BRD4: variants seen among roughly 807,000 people sequenced by gnomAD.
The protein encoded by BRD4 is bromodomain-containing protein 4.
In BRD4, 16 loss-of-function variants were observed where a neutral mutation model predicts 142.1. The observed-to-expected ratio is 0.11, with a 90% CI of 0.08 to 0.17. The LOEUF (loss-of-function observed/expected upper bound fraction) is 0.17, where lower values mean the gene tolerates loss of function less well. BRD4 is among the 10% of genes least tolerant of loss of function. The pLI is 1.00. For synonymous variants in BRD4, 833 were observed against 707.5 expected, an observed-to-expected ratio of 1.18 and a Z score of -2.82; for missense variants, 1,424 against 1,810.9, an observed-to-expected ratio of 0.79 and a Z score of 3.88.
At chr19:15,294,881 C>A (rs961824493) in intron 1 of BRD4, among the ~76,000 whole-genome samples, 24 of 152,172 alleles carry the variant, frequency 1.6e-4, no homozygotes, top group Non-Finnish European at 1.5e-4. Context: ...GGTGTGCAGG[C>A]TGTCCCAGAC....
intron 14 of BRD4, 142 bp from the exon 15 acceptor site, chr19:15,240,164 C>A: frequency 3.8e-6 from 5 of 1,324,004 alleles, no homozygotes; most frequent in Non-Finnish European, 4.0e-6. Context: ...ATTAGCCCAG[C>A]TCAAAAAGGG....
At position 15,265,623 on chromosome 19, in the gene BRD4, A is replaced by C. The variant is rs775379834; in HGVS notation, c.580T>G (p.Ser194Ala). The C allele has an allele frequency of 5.0e-6, 8 of 1,613,984 alleles. No individual in the cohort carries two copies. The highest frequency in any genetic ancestry group is 6.8e-6 in the Non-Finnish European group (8 of 1,180,024). ...KETGTAKPGV[S>A]TVPNTTQAST... Reference sequence around the variant, plus strand: ...GCTTGAGTTGTGTTTGGTACCGTGGAAACGCCAGGTTTTGCTGTCCCTACA... The same window carrying C: ...GCTTGAGTTGTGTTTGGTACCGTGGCAACGCCAGGTTTTGCTGTCCCTACA... The change falls in exon 5 of 20, where the codon TCC (serine) becomes GCC (alanine). Residue 194 changes from serine (S) to alanine (A), a missense_variant. Coordinates refer to ENST00000679869, the MANE Select transcript of BRD4 (RefSeq NM_001379291.1).
rs201935791 is a variant in BRD4 at position 15,265,513 on chromosome 19, C to T, written c.690G>A (p.Pro230=). ...TGACAGGGGTCTGGACGATGAGGTC[C>T]GGGGTGACGGCAGGGAAGGGGTGAG... is the stretch of plus-strand genomic sequence containing the variant. ...ATPHPFPAVT[P]DLIVQTPVMT... is the part of the protein sequence containing the mutation. The change falls in exon 5 of 20, where the codon CCG becomes CCA. Residue 230 remains proline (P), a synonymous_variant. Coordinates refer to ENST00000679869, the MANE Select transcript of BRD4 (RefSeq NM_001379291.1). 46 of 1,613,238 alleles carry T rather than the reference C, an allele frequency of 2.9e-5. No homozygotes were observed. In the Middle Eastern group the frequency reaches 4.9e-4, roughly 17 times the overall value.
At chr19:15,307,595 T>C (rs1353378214) in intron 1 of BRD4, among the ~76,000 whole-genome samples, 1 of 152,170 alleles carries the variant, frequency 6.6e-6, no homozygotes, top group Non-Finnish European at 1.5e-5. Flanking sequence ...GTCTATCTCA[T>C]GCCCTTTCCA....
At chr19:15,298,177 G>C (rs1483601843) in intron 1 of BRD4, among the ~76,000 whole-genome samples, 1 of 152,218 alleles carries the variant, frequency 6.6e-6, no homozygotes, top group Non-Finnish European at 1.5e-5. Context: ...CTCTGCAAAA[G>C]GCACAAACAC....
At chr19:15,304,348 T>G (rs565532370) in intron 1 of BRD4, among the ~76,000 whole-genome samples, 2 of 152,318 alleles carry the variant, frequency 1.3e-5, no homozygotes, top group African/African-American at 4.8e-5. Context: ...TAGTTACAAG[T>G]GCTGGCCTAA....
At chr19:15,309,610 T>G (rs1185493531) in intron 1 of BRD4, among the ~76,000 whole-genome samples, 1 of 152,164 alleles carries the variant, frequency 6.6e-6, no homozygotes, top group Non-Finnish European at 1.5e-5. Flanking sequence ...AAAGTGTGTG[T>G]GGGCACTCAC....
intron 2 of BRD4, 51 bp from the exon 3 acceptor site, chr19:15,269,093 C>A: frequency 6.2e-7 from 1 of 1,606,062 alleles, no homozygotes; most frequent in Non-Finnish European, 8.5e-7. Flanking sequence ...CCAGGCAGCA[C>A]AAACGCTGGG....
At chr19:15,268,678 G>A (rs567797522) in intron 3 of BRD4, among the ~76,000 whole-genome samples, 4 of 152,226 alleles carry the variant, frequency 2.6e-5, no homozygotes, top group Admixed American at 2.6e-4. Flanking sequence ...AACAAGGACA[G>A]CTTGCAAGTT....
intron 13 of BRD4, 70 bp from the exon 14 acceptor site, chr19:15,243,557 T>A (rs2047258393): frequency 6.8e-7 from 1 of 1,467,252 alleles, no homozygotes; most frequent in Non-Finnish European, 9.0e-7. Flanking sequence ...TTCTGCTCCA[T>A]CCTGACCTCA....
intron 1 of BRD4, among the ~76,000 whole-genome samples, chr19:15,307,264 G>A (rs1398228253): frequency 1.3e-5 from 2 of 152,178 alleles, no homozygotes. Context: ...TGCAGGGTGG[G>A]TAGGAGCAAT....
rs1244071967 is a variant in BRD4 at position 15,239,037 on chromosome 19, C to G, written c.3782+22G>C. 1.3e-6 allele frequency: 2 copies of G among 1,580,614 alleles called. No homozygotes were observed. Among genetic ancestry groups the G allele is most frequent in the Non-Finnish European group, 1.7e-6 (2 of 1,167,224 alleles). The stretch of plus-strand genomic sequence containing the variant: ...TGGTGTGGCCCCAAGAGTCCCCATG[C>G]CCCACCCAGACACCCGCCCACCTCA... On this transcript the variant is annotated intron_variant, in intron 18 of 19. Coordinates refer to ENST00000679869, the MANE Select transcript of BRD4 (RefSeq NM_001379291.1). The surrounding 1 kb of genome is among the most constrained non-coding windows in gnomAD (Gnocchi z 7.4).
At chr19:15,282,119 A>G (rs2047709507) in intron 1 of BRD4, among the ~76,000 whole-genome samples, 1 of 152,220 alleles carries the variant, frequency 6.6e-6, no homozygotes, top group African/African-American at 2.4e-5. Context: ...CAGAGAGCAA[A>G]TATTGTCAGC....
At chr19:15,300,877 C>T (rs1444944247) in intron 1 of BRD4, among the ~76,000 whole-genome samples, 2 of 152,296 alleles carry the variant, frequency 1.3e-5, no homozygotes, top group East Asian at 3.9e-4. Context: ...TGAGAGTTTC[C>T]TGTAAAGCTA....
At chr19:15,271,244 T>A (rs2047584150) in intron 2 of BRD4, among the ~76,000 whole-genome samples, 1 of 152,228 alleles carries the variant, frequency 6.6e-6, no homozygotes, top group African/African-American at 2.4e-5. Flanking sequence ...TGTAACAAGC[T>A]GACCCCTCTG....
rs2048172652 is a variant in BRD4 at position 15,332,516 on chromosome 19, C to CGCCGCT, written c.-262_-261insAGCGGC. 6.1e-6 allele frequency: 1 copy of CGCCGCT among 163,346 alleles called. No homozygotes were observed. The highest frequency in any genetic ancestry group is 2.6e-5 in the African/African-American group (1 of 39,074). The allele number at this position is 163,346 out of a possible 1,614,324, so 10.1% of individuals were successfully genotyped here. On this transcript the variant is annotated 5_prime_UTR_variant, in exon 1 of 20. Coordinates refer to ENST00000679869, the MANE Select transcript of BRD4 (RefSeq NM_001379291.1). Reference sequence around the variant, plus strand: ...CAAACAGCCCAGCCGCCGCCGCCGCCGCCGCCGCCGCCGCCAGCGCACTGA... The same window carrying CGCCGCT: ...CAAACAGCCCAGCCGCCGCCGCCGCCGCCGCTGCCGCCGCCGCCGCCAGCGCACTGA...
chr19:15,297,617 C>T (rs1314313260), intron 1 of BRD4, among the ~76,000 whole-genome samples: 5 of 152,208 alleles, frequency 3.3e-5, no homozygotes, highest in Non-Finnish European at 7.3e-5. Flanking sequence ...GCTAATGGGC[C>T]TCTTTCACAG....
chr19:15,279,012 T>C (rs1269640087), intron 1 of BRD4, among the ~76,000 whole-genome samples: 3 of 152,182 alleles, frequency 2.0e-5, no homozygotes, highest in Non-Finnish European at 4.4e-5. Flanking sequence ...TGGCTAATTT[T>C]GTATTTTTAG....
intron 1 of BRD4, among the ~76,000 whole-genome samples, chr19:15,301,764 G>A (rs534077146): frequency 2.6e-5 from 4 of 151,140 alleles, no homozygotes; most frequent in African/African-American, 9.7e-5. Flanking sequence ...AGGAGGCTGA[G>A]GCAGGAGAAT....
Sources: gnomAD v4.1 joint callset for allele counts (sites outside exome capture counted in the v4.1 genomes callset) on GRCh38, gnomAD v4.1.1 for gene constraint, Gnocchi (gnomAD v3.1) non-coding constraint, MANE v1.5 for transcripts, NCBI Gene and HGNC (gene_info 2026-07-23, HGNC 2026-07-21) for gene names.